Variants in TNS3 observed in about 807,000 individuals in gnomAD.
TNS3 encodes the protein tensin 3, also known as tensin-3.
Under a neutral mutation model 140.9 loss-of-function variants are expected in TNS3, and 45 were observed. The observed-to-expected ratio is 0.32, with a 90% confidence interval of 0.25 to 0.41. The LOEUF (loss-of-function observed/expected upper bound fraction) is 0.41, where lower values mean the gene tolerates loss of function less well. Ranked by LOEUF, TNS3 falls within the 10% of genes least tolerant of loss-of-function variation. The pLI is 1.00. For synonymous variants in TNS3, 815 were observed against 788.4 expected (o/e 1.03, Z -0.56); for missense variants, 1,716 against 1,906.7 (o/e 0.90, Z 1.86).
intron 20 of TNS3, among the ~76,000 whole-genome samples, chr7:47,318,994 GAC>G (rs1787573714): frequency 6.6e-6 from 1 of 152,168 alleles, no homozygotes; most frequent in African/African-American, 2.4e-5. Flanking sequence ...CGGCACATGG[GAC>G]ACAGATGACA....
chr7:47,311,120 C>G (rs949364221), intron 20 of TNS3, among the ~76,000 whole-genome samples: 4 of 152,156 alleles, frequency 2.6e-5, no homozygotes, highest in African/African-American at 9.7e-5. Context: ...ATTTCTAGTT[C>G]TAGATCCTTG....
At chr7:47,386,073 C>T (rs1184859134) in intron 16 of TNS3, among the ~76,000 whole-genome samples, 1 of 152,206 alleles carries the variant, frequency 6.6e-6, no homozygotes, top group Non-Finnish European at 1.5e-5. Context: ...ACCATGAATC[C>T]TAAATTAATT....
At chr7:47,403,457 T>G (rs763581155) in intron 13 of TNS3, 1 of 152,248 alleles carries the variant, frequency 6.6e-6, no homozygotes, top group Non-Finnish European at 1.5e-5. Context: ...TCTATCCCAC[T>G]GGCAGAGAAC....
chr7:47,516,304 G>C (rs1238534032), intron 2 of TNS3, among the ~76,000 whole-genome samples: 1 of 152,196 alleles, frequency 6.6e-6, no homozygotes, highest in African/African-American at 2.4e-5. Flanking sequence ...CAGGGCCACA[G>C]CTTCCTGTGG....
At chr7:47,311,301 T>C (rs1040319125) in intron 20 of TNS3, among the ~76,000 whole-genome samples, 4 of 152,116 alleles carry the variant, frequency 2.6e-5, no homozygotes, top group Non-Finnish European at 4.4e-5. Context: ...AAATACCTAA[T>C]GTAAATGACG....
intron 16 of TNS3, among the ~76,000 whole-genome samples, chr7:47,395,610 G>A (rs371866609): frequency 6.6e-6 from 1 of 152,176 alleles, no homozygotes; most frequent in African/African-American, 2.4e-5. Flanking sequence ...AGAGTTTTCA[G>A]CTACATTTCT....
At chr7:47,427,673 G>A (rs1449002835) in intron 9 of TNS3, among the ~76,000 whole-genome samples, 1 of 152,148 alleles carries the variant, frequency 6.6e-6, no homozygotes, top group Non-Finnish European at 1.5e-5. Context: ...TGGCTTAGGG[G>A]ACCCGAGTGG....
intron 1 of TNS3, among the ~76,000 whole-genome samples, chr7:47,565,418 G>A (rs1268638848): frequency 2.0e-5 from 3 of 151,924 alleles, no homozygotes; most frequent in Admixed American, 2.0e-4. Flanking sequence ...CCAGGCTGGA[G>A]TGCAGTGGTG....
intron 1 of TNS3, among the ~76,000 whole-genome samples, chr7:47,562,282 A>G (rs1341957445): frequency 1.3e-5 from 2 of 152,076 alleles, no homozygotes; most frequent in Admixed American, 6.5e-5. Flanking sequence ...AATCTTTATC[A>G]TTGATAGTTA....
intron 20 of TNS3, among the ~76,000 whole-genome samples, chr7:47,318,131 A>G (rs1452669174): frequency 1.3e-5 from 2 of 152,148 alleles, no homozygotes; most frequent in African/African-American, 4.8e-5. Context: ...CACTTTCTGT[A>G]TGTATGAATT....
chr7:47,475,527 C>A (rs1298689992), intron 4 of TNS3, among the ~76,000 whole-genome samples: 1 of 24,714 alleles, frequency 4.0e-5, no homozygotes, highest in South Asian at 2.6e-3. Context: ...ACAGGCGGCA[C>A]TTCCCCGGGG....
chr7:47,364,856 A>G (rs745336642), intron 17 of TNS3, among the ~76,000 whole-genome samples: 1 of 152,212 alleles, frequency 6.6e-6, no homozygotes, highest in Non-Finnish European at 1.5e-5. Flanking sequence ...GGTTCCTACA[A>G]GAAGGTCACT....
In TNS3 at chr7:47,289,323, T is replaced by C. The variant is rs560769988; in HGVS notation, c.3928+2632A>G. Among the ~76,000 whole-genome samples the C allele has an allele frequency of 3.3e-5, 5 of 152,264 alleles. No homozygotes were observed. The South Asian group carries it at 1.0e-3, about 32-fold the overall frequency. ...ATTCCCTCCCCAACATTTCTGACAA[T>C]AAACACCTACCTTGCATGAAAAACT... On this transcript the variant is annotated intron_variant, in intron 27 of 30. Coordinates refer to ENST00000311160, the MANE Select transcript of TNS3 (RefSeq NM_022748.12).
chr7:47,551,946 G>A (rs1473428107), intron 1 of TNS3, among the ~76,000 whole-genome samples: 2 of 152,060 alleles, frequency 1.3e-5, no homozygotes, highest in Non-Finnish European at 2.9e-5. Flanking sequence ...CACCGGGAGC[G>A]ATCCTTGGCC....
rs1010933659 is a variant in TNS3, at chr7:47,277,870, T to G, written c.*206A>C. 48 of 685,874 alleles carry G rather than the reference T, an allele frequency of 7.0e-5. No homozygotes were observed. Among genetic ancestry groups the G allele is most frequent in the African/African-American group, 1.4e-4 (8 of 56,932 alleles). The allele number at this position is 685,874 out of a possible 1,614,324, so 42.5% of individuals were successfully genotyped here. A position where few individuals can be genotyped will look rare whatever the true frequency, so the allele number is the denominator to read the frequency against. On this transcript the variant is annotated 3_prime_UTR_variant, in exon 31 of 31. Transcript: ENST00000311160. ...CAAAAAGCATGTGGCTACAGAGATGTGTCAGATAAGTCACTTTCAGGAAAG... is the reference window on the plus strand; with the variant it reads ...CAAAAAGCATGTGGCTACAGAGATGGGTCAGATAAGTCACTTTCAGGAAAG...
At chr7:47,554,579 C>G (rs1425389787) in intron 1 of TNS3, among the ~76,000 whole-genome samples, 1 of 152,202 alleles carries the variant, frequency 6.6e-6, no homozygotes. Flanking sequence ...GGGTTCAAGA[C>G]TTCAGTGAAG....
chr7:47,488,499 G>A (rs1584760121), intron 3 of TNS3, among the ~76,000 whole-genome samples: 1 of 152,178 alleles, frequency 6.6e-6, no homozygotes, highest in East Asian at 1.9e-4. Context: ...CCTTCTCCCC[G>A]TGTCCTCACG....
chr7:47,393,334 C>T (rs537239422), intron 16 of TNS3, among the ~76,000 whole-genome samples: 2 of 152,246 alleles, frequency 1.3e-5, no homozygotes, highest in South Asian at 2.1e-4. Context: ...ACCCCAGACA[C>T]GCCAGACAGC....
chr7:47,368,883 G>T lies in TNS3; in HGVS notation c.1763C>A (p.Thr588Asn). The T allele has an allele frequency of 6.2e-7, 1 of 1,613,760 alleles. No individual in the cohort carries two copies. The highest frequency in any genetic ancestry group is 1.1e-5 in the South Asian group (1 of 91,046). ...AACCATCTGCTGCTGGCGCACCCAG[G>T]TCTGTGTGGAGTAGCTGCTCTGCCC... ...AYGQSSYSTQ[T>N]WVRQQQMVVA... Residue 588 changes from threonine to asparagine, a missense_variant, in exon 17 of 31, where the codon ACC (threonine) becomes AAC (asparagine). Thr to Asn is a moderately conservative substitution (Grantham distance 65). Transcript: ENST00000311160.
Sources: gnomAD v4.1 joint callset for allele counts (sites outside exome capture counted in the v4.1 genomes callset) on GRCh38, gnomAD v4.1.1 for gene constraint, MANE v1.5 for transcripts, NCBI Gene and HGNC (gene_info 2026-07-23, HGNC 2026-07-21) for gene names.